Variants in RYR2 observed in about 807,000 individuals in gnomAD.
The protein encoded by RYR2 is ryanodine receptor 2.
Under a neutral mutation model 601.1 loss-of-function variants are expected in RYR2, and 227 were observed. The ratio of observed to expected loss-of-function variants is 0.38; its 90% CI spans 0.34 to 0.42. The LOEUF (loss-of-function observed/expected upper bound fraction) is 0.42. Ranked by LOEUF, RYR2 falls within the 10% of genes least tolerant of loss-of-function variation. RYR2 has a pLI of 1.00. For synonymous variants in RYR2, 2,223 were observed against 2,175.1 expected, an observed-to-expected ratio of 1.02 and a Z score of -0.61; for missense variants, 4,646 against 6,156.5, an observed-to-expected ratio of 0.75 and a Z score of 8.21.
At chr1:237,705,090 T>G in intron 66 of RYR2, 123 bp from the exon 67 acceptor site, 1 of 779,950 alleles carries the variant, frequency 1.3e-6, no homozygotes, top group Admixed American at 2.5e-5. Flanking sequence ...AAATTGGATT[T>G]GGGAGTTAAT....
chr1:237,550,742 T>A, intron 27 of RYR2, 51 bp downstream of exon 27: 2 of 1,499,786 alleles, frequency 1.3e-6, no homozygotes, highest in South Asian at 2.6e-5. Flanking sequence ...ATGTAGTAGT[T>A]CTTTAAAGCC....
intron 1 of RYR2, among the ~76,000 whole-genome samples, chr1:237,241,029 G>A (rs1229809845): frequency 1.3e-5 from 2 of 152,200 alleles, no homozygotes; most frequent in African/African-American, 4.8e-5. Flanking sequence ...ATGCCAAACT[G>A]TAATTGTTAG....
At chr1:237,273,251 G>T (rs1689890566) in intron 2 of RYR2, among the ~76,000 whole-genome samples, 1 of 152,120 alleles carries the variant, frequency 6.6e-6, no homozygotes, top group African/African-American at 2.4e-5. Flanking sequence ...TGCATGTGCA[G>T]TTCACAATAG....
intron 1 of RYR2, among the ~76,000 whole-genome samples, chr1:237,263,865 G>A (rs76159162): frequency 6.6e-6 from 1 of 151,990 alleles, no homozygotes; most frequent in Non-Finnish European, 1.5e-5. Flanking sequence ...ATTCTAGTGG[G>A]GGAGGCTCAG....
intron 14 of RYR2, among the ~76,000 whole-genome samples, chr1:237,450,683 A>G (rs1456131109): frequency 6.6e-6 from 1 of 152,098 alleles, no homozygotes; most frequent in Non-Finnish European, 1.5e-5. Flanking sequence ...TGTAGCCTAG[A>G]ACGTCTTTGC....
intron 99 of RYR2, among the ~76,000 whole-genome samples, chr1:237,806,485 T>A (rs1660648401): frequency 1.3e-5 from 2 of 152,196 alleles, no homozygotes; most frequent in South Asian, 4.1e-4. Context: ...TGACTTTGGA[T>A]AAATTAACTG....
chr1:237,793,130 T>C (rs534070448), intron 94 of RYR2, among the ~76,000 whole-genome samples: 36 of 152,242 alleles, frequency 2.4e-4, no homozygotes, highest in Non-Finnish European at 4.3e-4. Flanking sequence ...CCTCTGCCTC[T>C]GGTTATAAAT....
intron 47 of RYR2, among the ~76,000 whole-genome samples, 185 bp downstream of exon 47, chr1:237,641,187 A>G (rs1264225357): frequency 6.6e-6 from 1 of 152,244 alleles, no homozygotes; most frequent in African/African-American, 2.4e-5. Context: ...TGTAAAAATT[A>G]GTAATGGGAT....
Position 237,106,337 on chromosome 1 carries a change from G to C in RYR2, c.48+63768G>C, listed in dbSNP as rs929355827. On this transcript the variant is annotated intron_variant, in intron 1 of 104. Coordinates refer to ENST00000366574, the MANE Select transcript of RYR2 (RefSeq NM_001035.3). The surrounding 1 kb of genome is among the most constrained non-coding windows in gnomAD (Gnocchi z 4.4). ...GTGGCTTGCAGCACGGTGGCAGCAG[G>C]GGGAGGTGGCACCGAGCAGCAGGAC... Among the ~76,000 whole-genome samples, 3 of 152,176 alleles carry C rather than the reference G, an allele frequency of 2.0e-5. No individual in the cohort carries two copies. Among genetic ancestry groups the C allele is most frequent in the African/African-American group, 7.2e-5 (3 of 41,444 alleles).
At chr1:237,683,970 C>T (rs925364174) in intron 62 of RYR2, among the ~76,000 whole-genome samples, 3 of 152,060 alleles carry the variant, frequency 2.0e-5, no homozygotes, top group African/African-American at 7.2e-5. Context: ...CTCTGTCGCC[C>T]AGGCTGGAGT....
At chr1:237,141,770 C>G (rs1673419241) in intron 1 of RYR2, among the ~76,000 whole-genome samples, 1 of 152,150 alleles carries the variant, frequency 6.6e-6, no homozygotes, top group African/African-American at 2.4e-5. Flanking sequence ...CAATGGAACT[C>G]TTTTTGCTAT....
intron 24 of RYR2, among the ~76,000 whole-genome samples, chr1:237,515,291 T>C (rs1036693677): frequency 6.6e-6 from 1 of 152,244 alleles, no homozygotes; most frequent in African/African-American, 2.4e-5. Flanking sequence ...AGCTCACGTT[T>C]TAGAAATAAT....
rs73103904 is a variant in RYR2, at chr1:237,778,786, G to T, written c.11880+16G>T. 1 of 1,293,716 alleles carries T rather than the reference G, an allele frequency of 7.7e-7. No homozygotes were observed. The highest frequency in any genetic ancestry group is 1.2e-5 in the South Asian group (1 of 82,422). The allele number at this position is 1,293,716 out of a possible 1,614,324, so 80.1% of individuals were successfully genotyped here. ...GCTGTCGCAGGTAAACTAACTAACTGCCTTCCTCTCTCTTAAATGACAAAC... is the reference window on the plus strand; with the variant it reads ...GCTGTCGCAGGTAAACTAACTAACTTCCTTCCTCTCTCTTAAATGACAAAC... On this transcript the variant is annotated intron_variant, in intron 88 of 104. Transcript: ENST00000366574.
intron 12 of RYR2, among the ~76,000 whole-genome samples, chr1:237,427,859 A>G (rs1706348704): frequency 6.6e-6 from 1 of 150,930 alleles, no homozygotes; most frequent in South Asian, 2.1e-4. Context: ...GGCAAACTAA[A>G]GCATTGCAGG....
chr1:237,427,276 G>C (rs754402693), intron 12 of RYR2, among the ~76,000 whole-genome samples: 12 of 152,166 alleles, frequency 7.9e-5, no homozygotes, highest in East Asian at 1.9e-4. Flanking sequence ...CTAAAAAAAG[G>C]TATGAAAACA....
intron 1 of RYR2, among the ~76,000 whole-genome samples, chr1:237,098,800 G>A (rs1418211552): frequency 2.6e-5 from 4 of 152,182 alleles, no homozygotes; most frequent in African/African-American, 9.7e-5. Context: ...GTGGTCACAA[G>A]GATACAAAGT....
chr1:237,342,409 C>T (rs1462914198), intron 3 of RYR2, among the ~76,000 whole-genome samples: 1 of 151,866 alleles, frequency 6.6e-6, no homozygotes, highest in African/African-American at 2.4e-5. Flanking sequence ...CCACCTTAAC[C>T]TCCCAAAATG....
chr1:237,423,363 A>C (rs1016938815), intron 12 of RYR2, 115 bp downstream of exon 12: 15 of 1,234,044 alleles, frequency 1.2e-5, no homozygotes, highest in Non-Finnish European at 1.7e-5. Flanking sequence ...TCTTATGTGT[A>C]TTTCTAAATT....
chr1:237,246,135 G>A (rs986321393), intron 1 of RYR2, among the ~76,000 whole-genome samples: 13 of 151,040 alleles, frequency 8.6e-5, no homozygotes, highest in South Asian at 2.1e-4. Flanking sequence ...TTGCTCTTTC[G>A]CCCGAGCTGG....
Sources: gnomAD v4.1 joint callset for allele counts (sites outside exome capture counted in the v4.1 genomes callset) on GRCh38, gnomAD v4.1.1 for gene constraint, Gnocchi (gnomAD v3.1) non-coding constraint, MANE v1.5 for transcripts, NCBI Gene and HGNC (gene_info 2026-07-23, HGNC 2026-07-21) for gene names.